Variants in KCND1 observed in about 807,000 individuals in gnomAD.
KCND1 encodes the protein A-type voltage-gated potassium channel KCND1.
In KCND1, 11 loss-of-function variants were observed where a neutral mutation model predicts 31.8. That is an observed-to-expected ratio of 0.35 (90% CI 0.22 to 0.57). The LOEUF (loss-of-function observed/expected upper bound fraction) is 0.57, where lower values mean the gene tolerates loss of function less well. Among genes scored for constraint, KCND1 ranks in the 20% least tolerant of loss-of-function variants. KCND1 has a pLI of 0.85. For synonymous variants in KCND1, 234 were observed against 248.1 expected, an observed-to-expected ratio of 0.94 and a Z score of 0.53; for missense variants, 471 against 596.8, an observed-to-expected ratio of 0.79 and a Z score of 2.20.
At position 48,966,253 on chromosome X, in the gene KCND1, G is replaced by A. The variant is rs141159232; in HGVS notation, c.1520C>T (p.Ser507Leu). ...GCTACGGCTGGTGCGGCCACCCGGC[G>A]AGACGGCTCCCAGGGCTTCACTGAA... Reference protein sequence around the residue: ...LTFSEALGAVSPGGRTSRSTS... With the variant: ...LTFSEALGAVLPGGRTSRSTS... Residue 507 changes from serine to leucine, a missense_variant, in exon 5 of 6, where the codon TCG becomes TTG. Physicochemically the swap from Ser to Leu is moderately radical, Grantham distance 145. Coordinates refer to ENST00000218176, the MANE Select transcript of KCND1 (RefSeq NM_004979.6). 1.3e-4 allele frequency: 159 copies of A among 1,195,518 alleles called. 1 individual carries two copies. The Admixed American group carries it at 2.6e-3, about 19-fold the overall frequency.
chrX:48,971,702 T>C lies in KCND1; in HGVS notation c.-1431A>G, dbSNP rs2064389913. On this transcript the variant is annotated 5_prime_UTR_variant, in exon 1 of 6. Transcript: ENST00000218176. The stretch of plus-strand genomic sequence containing the variant: ...CAGGGAAGGATGAGGACAGCGCTAG[T>C]GGTGGTCCCCCTCCCCCTCTCTCTC... 1 of 110,389 alleles carries C rather than the reference T, an allele frequency of 9.1e-6. No homozygotes were observed. The allele number at this position is 110,389 out of a possible 1,213,427, so 9.1% of individuals were successfully genotyped here.
In KCND1 at chrX:48,971,284, G is replaced by A; in HGVS notation, c.-1013C>T. ...GGGCACAATCCCAGAGCACCCAGGG[G>A]ATCTATGAAGACTAAATAAGAGGAA... On this transcript the variant is annotated 5_prime_UTR_variant, in exon 1 of 6. Coordinates refer to ENST00000218176, the MANE Select transcript of KCND1 (RefSeq NM_004979.6). The A allele has an allele frequency of 9.4e-6, 1 of 105,837 alleles. No individual in the cohort carries two copies. The highest frequency in any genetic ancestry group is 1.9e-5 in the Non-Finnish European group (1 of 51,438). 8.7% of individuals were successfully genotyped at this position (105,837 alleles called of 1,213,427 possible). A position where few individuals can be genotyped will look rare whatever the true frequency, so the allele number is the denominator to read the frequency against.
chrX:48,969,487 C>G lies in KCND1; in HGVS notation c.785G>C (p.Ser262Thr), dbSNP rs1557058474. 1 of 1,211,503 alleles carries G rather than the reference C, an allele frequency of 8.3e-7. No homozygotes were observed. Among genetic ancestry groups the G allele is most frequent in the Non-Finnish European group, 1.1e-6 (1 of 895,317 alleles). ...CACCACGTCGATGAGGCTCATGACA[C>G]TCCGCAGGAAGCGGCAACGGCTGGG... ...AAPSRCRFLR[S>T]VMSLIDVVAI... Residue 262 changes from serine (S) to threonine (T), a missense_variant, in exon 1 of 6, where the codon AGT becomes ACT. By Grantham distance (58) the Ser-to-Thr change is moderately conservative (BLOSUM62 1). This residue lies in a region of KCND1 where 212 missense variants were observed against 257.9 expected (regional missense o/e 0.82). Coordinates refer to ENST00000218176, the MANE Select transcript of KCND1 (RefSeq NM_004979.6).
At chrX:48,966,722 G>A (rs369036215) in intron 3 of KCND1, 39 bp downstream of exon 3, 14 of 1,200,467 alleles carry the variant, frequency 1.2e-5, no homozygotes, top group African/African-American at 3.6e-5. Flanking sequence ...CTTCCTCCCC[G>A]TTATGGCTCA....
In KCND1 at chrX:48,966,754, G is replaced by A. The variant is rs782626555; in HGVS notation, c.1368+7C>T. On this transcript the variant is annotated splice_region_variant and intron_variant, in intron 3 of 5. Transcript: ENST00000218176. The stretch of plus-strand genomic sequence containing the variant: ...CTCACCCCAACCCTATCCAGGCCCC[G>A]ACCCACCTCAAGGCCCCCATTCTGC... The A allele has an allele frequency of 3.5e-5, 42 of 1,207,174 alleles. No individual in the cohort carries two copies. Among genetic ancestry groups the A allele is most frequent in the Non-Finnish European group, 4.6e-5 (41 of 893,741 alleles).
Position 48,969,812 on chromosome X carries a change from C to G in KCND1, c.460G>C (p.Glu154Gln). ...AERLAEDEEA[E>Q]QAGDGPALPA... ...AGGGCTGGGCCGTCCCCGGCCTGCT[C>G]TGCCTCCTCATCCTCTGCCAGGCGC... is the stretch of plus-strand genomic sequence containing the variant. Residue 154 changes from glutamate (E) to glutamine (Q), a missense_variant, in exon 1 of 6, where the codon GAG becomes CAG. Transcript: ENST00000218176. 1 of 1,209,423 alleles carries G rather than the reference C, an allele frequency of 8.3e-7. No individual in the cohort carries two copies.
intron 5 of KCND1, among the ~76,000 whole-genome samples, chrX:48,965,214 A>G (rs1225292815): frequency 3.7e-5 from 4 of 108,411 alleles, no homozygotes; most frequent in Non-Finnish European, 7.7e-5. Flanking sequence ...CACCACACCC[A>G]GCTAGTTTTT....
chrX:48,969,299 C>G lies in KCND1; in HGVS notation c.973G>C (p.Glu325Gln). ...AGGGAAAAGAGGAGAAAGCCCAGCT[C>G]AGAGGCACAGCTCTTGAGTGTGTAG... is the stretch of plus-strand genomic sequence containing the variant. ...LGYTLKSCAS[E>Q]LGFLLFSLTM... The change falls in exon 1 of 6, where the codon GAG (glutamate) becomes CAG (glutamine). Residue 325 changes from glutamate to glutamine, a missense_variant. This residue lies in a region of KCND1 where 74 missense variants were observed against 154.2 expected (regional missense o/e 0.48). Transcript: ENST00000218176. 1 of 1,210,825 alleles carries G rather than the reference C, an allele frequency of 8.3e-7. No homozygotes were observed. The highest frequency in any genetic ancestry group is 1.1e-6 in the Non-Finnish European group (1 of 895,122).
In KCND1 at chrX:48,969,936, C is replaced by G. The variant is rs1569518724; in HGVS notation, c.336G>C (p.Gln112His). ...AGAAAGCCAGCTCTTCGTCGAAGGC[C>G]TGGATGCACTCCTGCCGTGGGCAAT... Reference protein sequence around the residue: ...RLHCPRQECIQAFDEELAFYG... With the variant: ...RLHCPRQECIHAFDEELAFYG... The change falls in exon 1 of 6, where the codon CAG becomes CAC. Residue 112 changes from glutamine to histidine, a missense_variant. Physicochemically the swap from Gln to His is conservative, Grantham distance 24 (BLOSUM62 0). Transcript: ENST00000218176. 5 of 1,209,771 alleles carry G rather than the reference C, an allele frequency of 4.1e-6. No homozygotes were observed. The highest frequency in any genetic ancestry group is 1.1e-6 in the Non-Finnish European group (1 of 894,857).
At chrX:48,966,536 GACCC>G in intron 4 of KCND1, 38 bp downstream of exon 4, 1 of 1,139,189 alleles carries the variant, frequency 8.8e-7, no homozygotes, top group Non-Finnish European at 1.2e-6. Flanking sequence ...GCCGCAGAGG[GACCC>G]CCTCTATTCT....
Position 48,970,511 on chromosome X carries a change from G to A in KCND1, c.-240C>T, listed in dbSNP as rs782813149. The A allele has an allele frequency of 1.6e-5, 6 of 376,605 alleles. No individual in the cohort carries two copies. Among genetic ancestry groups the A allele is most frequent in the East Asian group, 4.4e-5 (1 of 22,672 alleles). 31.0% of individuals were successfully genotyped at this position (376,605 alleles called of 1,213,427 possible). ...GTTCTGAGGGACTGAGAAGGGCCTT[G>A]GGGACATGGAGAAGAGCAGAAAAGG... is the stretch of plus-strand genomic sequence containing the variant. On this transcript the variant is annotated 5_prime_UTR_variant, in exon 1 of 6. Transcript: ENST00000218176.
intron 1 of KCND1, 43 bp downstream of exon 1, chrX:48,969,108 G>C (rs781966724): frequency 8.7e-7 from 1 of 1,147,134 alleles, no homozygotes; most frequent in Admixed American, 2.8e-5. Context: ...TACAGAAAGG[G>C]TGAGTGTAAT....
Position 48,962,507 on chromosome X carries a change from G to T in KCND1, c.*74C>A. 1.2e-6 allele frequency: 1 copy of T among 810,551 alleles called. No homozygotes were observed. Among genetic ancestry groups the T allele is most frequent in the Non-Finnish European group, 1.8e-6 (1 of 563,927 alleles). 66.8% of individuals were successfully genotyped at this position (810,551 alleles called of 1,213,427 possible). On this transcript the variant is annotated 3_prime_UTR_variant, in exon 6 of 6. Coordinates refer to ENST00000218176, the MANE Select transcript of KCND1 (RefSeq NM_004979.6). Reference sequence around the variant, plus strand: ...GGGGTGCCCAAGCCTGCCCCTCTCTGCCTCCCAAAAATATGGCTTTGGAAA... The same window carrying T: ...GGGGTGCCCAAGCCTGCCCCTCTCTTCCTCCCAAAAATATGGCTTTGGAAA...
In KCND1 at chrX:48,970,564, T is replaced by C. The variant is rs1021189872; in HGVS notation, c.-293A>G. 10 of 299,538 alleles carry C rather than the reference T, an allele frequency of 3.3e-5. No individual in the cohort carries two copies. The highest frequency in any genetic ancestry group is 5.2e-5 in the Non-Finnish European group (9 of 174,332). The allele number at this position is 299,538 out of a possible 1,213,427, so 24.7% of individuals were successfully genotyped here. On this transcript the variant is annotated 5_prime_UTR_variant, in exon 1 of 6. Transcript: ENST00000218176. ...TGTGGGGATGGGGCCAAGAAGGAGC[T>C]GAGGGAGGGTTTAGAGAGACTGAGA...
At chrX:48,968,829 G>A (rs371787074) in intron 1 of KCND1, among the ~76,000 whole-genome samples, 5 of 112,108 alleles carry the variant, frequency 4.5e-5, no homozygotes, top group South Asian at 3.7e-4. Flanking sequence ...CAAGGCGGGC[G>A]GATCACCTGA....
Position 48,969,943 on chromosome X carries a change from C to G in KCND1, c.329G>C (p.Cys110Ser). The change falls in exon 1 of 6, where the codon TGC becomes TCC. Residue 110 changes from cysteine (C) to serine (S), a missense_variant. Around this residue, in one of 3 missense-constraint regions of KCND1, gnomAD observed 212 missense variants for 257.9 expected, o/e 0.82. Transcript: ENST00000218176. Reference protein sequence around the residue: ...TGRLHCPRQECIQAFDEELAF... With the variant: ...TGRLHCPRQESIQAFDEELAF... ...CAGCTCTTCGTCGAAGGCCTGGATG[C>G]ACTCCTGCCGTGGGCAATGCAGCCG... The G allele has an allele frequency of 8.3e-7, 1 of 1,211,028 alleles. No individual in the cohort carries two copies. Among genetic ancestry groups the G allele is most frequent in the Non-Finnish European group, 1.1e-6 (1 of 895,043 alleles).
At chrX:48,969,025 G>T in intron 1 of KCND1, 126 bp downstream of exon 1, 1 of 717,850 alleles carries the variant, frequency 1.4e-6, no homozygotes, top group Non-Finnish European at 2.0e-6. Flanking sequence ...CTGTACTCCA[G>T]CCTGGGCGAC....
At chrX:48,964,937 G>A (rs1200097487) in intron 5 of KCND1, among the ~76,000 whole-genome samples, 1 of 99,999 alleles carries the variant, frequency 1.0e-5, no homozygotes, top group Admixed American at 1.1e-4. Context: ...CAGGAGAATC[G>A]CTTGAACCCG....
chrX:48,966,827 C>T lies in KCND1; in HGVS notation c.1302G>A (p.Arg434=). The T allele has an allele frequency of 8.3e-7, 1 of 1,205,822 alleles. No homozygotes were observed. The highest frequency in any genetic ancestry group is 1.1e-6 in the Non-Finnish European group (1 of 892,998). ...RRAQQKVRLA[R]IRLAKSGTTN... ...TGGTACCACTCTTTGCCAATCGGATCCTTGCCAAGCGCACCTTCTGCAGAG... is the reference window on the plus strand; with the variant it reads ...TGGTACCACTCTTTGCCAATCGGATTCTTGCCAAGCGCACCTTCTGCAGAG... The change falls in exon 3 of 6, where the codon AGG becomes AGA. Residue 434 remains arginine, a synonymous_variant. Coordinates refer to ENST00000218176, the MANE Select transcript of KCND1 (RefSeq NM_004979.6).
Sources: allele counts gnomAD v4.1 joint callset (sites outside exome capture counted in the v4.1 genomes callset), GRCh38; gene constraint gnomAD v4.1.1; regional missense constraint gnomAD v4.1.1; transcripts MANE v1.5; gene names NCBI Gene and HGNC (gene_info 2026-07-23, HGNC 2026-07-21).